Variants in DIP2B observed in about 807,000 individuals in gnomAD.
The protein encoded by DIP2B is DIP2 acetate--CoA ligase B (putative), also known as disco-interacting protein 2 homolog B.
DIP2B carries 76 observed loss-of-function variants against 198.0 expected under a neutral mutation model. The ratio of observed to expected loss-of-function variants is 0.38; its 90% CI spans 0.32 to 0.46. DIP2B has a LOEUF of 0.46. Ranked by LOEUF, DIP2B falls within the 20% of genes least tolerant of loss-of-function variation. The pLI is 0.99. For synonymous variants in DIP2B, 701 were observed against 739.1 expected (o/e 0.95, Z 0.84); for missense variants, 1,559 against 1,978.4 (o/e 0.79, Z 4.02).
chr12:50,663,149 G>A (rs542798896), intron 4 of DIP2B, among the ~76,000 whole-genome samples: 5 of 152,172 alleles, frequency 3.3e-5, no homozygotes, highest in African/African-American at 4.8e-5. Flanking sequence ...TTGTGGTGCC[G>A]GGCGCAGTGG....
At chr12:50,566,190 A>T (rs913099131) in intron 1 of DIP2B, among the ~76,000 whole-genome samples, 1 of 152,030 alleles carries the variant, frequency 6.6e-6, no homozygotes, top group Non-Finnish European at 1.5e-5. Context: ...CTACAGGTGC[A>T]TGCCACCATG....
At chr12:50,720,811 C>G (rs1241367806) in intron 25 of DIP2B, among the ~76,000 whole-genome samples, 2 of 152,086 alleles carry the variant, frequency 1.3e-5, no homozygotes, top group Non-Finnish European at 2.9e-5. Flanking sequence ...GAAAAAGCGT[C>G]CCATACATGT....
intron 1 of DIP2B, among the ~76,000 whole-genome samples, chr12:50,555,027 C>G (rs921525017): frequency 6.6e-6 from 1 of 152,192 alleles, no homozygotes; most frequent in Admixed American, 6.5e-5. Context: ...CTCAACTTCC[C>G]AAAGTGCTGG....
intron 1 of DIP2B, among the ~76,000 whole-genome samples, chr12:50,613,411 A>T (rs1959047908): frequency 6.6e-6 from 1 of 152,234 alleles, no homozygotes; most frequent in Non-Finnish European, 1.5e-5. Context: ...TTTAGAGGTC[A>T]TTAAGCCAGA....
At chr12:50,577,224 AC>A (rs1485087825) in intron 1 of DIP2B, among the ~76,000 whole-genome samples, 1 of 152,024 alleles carries the variant, frequency 6.6e-6, no homozygotes, top group East Asian at 1.9e-4. Context: ...ATCCCTGTTG[AC>A]CCCATATTAG....
Position 50,604,313 on chromosome 12 carries a change from T to C in DIP2B, c.101-21663T>C, listed in dbSNP as rs1035649674. ...CATGCAAGCATATATCCAACCTCAT[T>C]TCATTTTCTTGTGAGCTAACGTTGT... On this transcript the variant is annotated intron_variant, in intron 1 of 37. Coordinates refer to ENST00000301180, the MANE Select transcript of DIP2B (RefSeq NM_173602.3). Among the ~76,000 whole-genome samples the C allele has an allele frequency of 4.4e-4, 67 of 152,138 alleles. 1 individual carries two copies. Among genetic ancestry groups the C allele is most frequent in the Non-Finnish European group, 1.3e-4 (9 of 68,022 alleles).
chr12:50,579,844 T>C (rs1472759514), intron 1 of DIP2B, among the ~76,000 whole-genome samples: 1 of 151,270 alleles, frequency 6.6e-6, no homozygotes, highest in Non-Finnish European at 1.5e-5. Context: ...TCACTTCCCT[T>C]ATTTCTTCTC....
In DIP2B at chr12:50,695,325, C is replaced by T. The variant is rs769502276; in HGVS notation, c.1778C>T (p.Pro593Leu). ...CCCTACTCTGTTATGAAAACCTGTC[C>T]TCTCTCTTGGGTCCAAAGAGTACAT... ...SVPYSVMKTC[P>L]LSWVQRVHAH... is the part of the protein sequence containing the mutation. The change falls in exon 15 of 38, where the codon CCT becomes CTT. Residue 593 changes from proline to leucine, a missense_variant. Physicochemically the swap from Pro to Leu is moderately conservative, Grantham distance 98. Coordinates refer to ENST00000301180, the MANE Select transcript of DIP2B (RefSeq NM_173602.3). 6.2e-7 allele frequency: 1 copy of T among 1,614,036 alleles called. No individual in the cohort carries two copies. Among genetic ancestry groups the T allele is most frequent in the Non-Finnish European group, 8.5e-7 (1 of 1,179,962 alleles).
chr12:50,683,002 T>A, intron 9 of DIP2B, 136 bp from the exon 10 acceptor site: 2 of 709,556 alleles, frequency 2.8e-6, no homozygotes, highest in East Asian at 5.8e-5. Context: ...GTAACTTAAT[T>A]TCCTTTAGAG....
intron 23 of DIP2B, among the ~76,000 whole-genome samples, 182 bp from the exon 24 acceptor site, chr12:50,718,527 T>C (rs1939775969): frequency 6.6e-6 from 1 of 152,242 alleles, no homozygotes; most frequent in Non-Finnish European, 1.5e-5. Flanking sequence ...TATTTCTTGG[T>C]TACCCTTCTT....
At chr12:50,549,950 G>C (rs1009017985) in intron 1 of DIP2B, among the ~76,000 whole-genome samples, 3 of 152,014 alleles carry the variant, frequency 2.0e-5, no homozygotes, top group Admixed American at 1.3e-4. Flanking sequence ...AAGGTACCTA[G>C]TTGTATGAAA....
At chr12:50,689,928 C>T (rs17124888) in intron 12 of DIP2B, among the ~76,000 whole-genome samples, 9,233 of 151,898 alleles carry the variant, frequency 0.061, 547 homozygotes, top group East Asian at 0.24. Context: ...CAGAAAGGTT[C>T]GATAAGGTAT....
At chr12:50,738,762 G>A (rs1940182892) in intron 35 of DIP2B, among the ~76,000 whole-genome samples, 1 of 152,120 alleles carries the variant, frequency 6.6e-6, no homozygotes, top group South Asian at 2.1e-4. Context: ...TTACAAGCGT[G>A]AGCCACCACG....
chr12:50,505,356 G>C, intron 1 of DIP2B, 116 bp downstream of exon 1: 1 of 798,572 alleles, frequency 1.3e-6, no homozygotes, highest in Non-Finnish European at 1.9e-6. Flanking sequence ...AGGGTGTAGA[G>C]AACCTGGCCT....
chr12:50,642,798 C>A (rs570812508), intron 3 of DIP2B, among the ~76,000 whole-genome samples: 1 of 152,116 alleles, frequency 6.6e-6, no homozygotes, highest in African/African-American at 2.4e-5. Context: ...CAAAAAAAAA[C>A]AACAACACAT....
At chr12:50,732,238 C>T in intron 31 of DIP2B, 128 bp from the exon 32 acceptor site, 1 of 982,902 alleles carries the variant, frequency 1.0e-6, no homozygotes, top group Non-Finnish European at 1.5e-6. Context: ...GCTTTTTTCT[C>T]TGTGTGCCTG....
Position 50,708,548 on chromosome 12 carries a change from A to G in DIP2B, c.2635A>G (p.Ser879Gly). 1 of 1,595,432 alleles carries G rather than the reference A, an allele frequency of 6.3e-7. No individual in the cohort carries two copies. Among genetic ancestry groups the G allele is most frequent in the Non-Finnish European group, 8.5e-7 (1 of 1,169,810 alleles). The change falls in exon 22 of 38, where the codon AGC becomes GGC. Residue 879 changes from serine to glycine, a missense_variant. By Grantham distance (56) the Ser-to-Gly change is moderately conservative. Transcript: ENST00000301180. ...ASEEDSFQWMSRVLQAIDSIH... is the reference protein window; with the variant it reads ...ASEEDSFQWMGRVLQAIDSIH... ...TGAGGAAGATAGTTTCCAGTGGATG[A>G]GCCGCGTGCTGCAGGTGAGCACACT...
At position 50,686,629 on chromosome 12, in the gene DIP2B, A is replaced by G. The variant is rs929598339; in HGVS notation, c.1498A>G (p.Lys500Glu). The part of the protein sequence containing the change: ...TDSKYLSKPP[K>E]DWQPHISPAG... ...TTCCAAGTACCTTTCAAAGCCACCG[A>G]AAGACTGGCAGCCACACATCTCACC... is the stretch of plus-strand genomic sequence containing the variant. Residue 500 changes from lysine to glutamate, a missense_variant, in exon 12 of 38, where the codon AAA (lysine) becomes GAA (glutamate). By Grantham distance (56) the Lys-to-Glu change is moderately conservative. Transcript: ENST00000301180. The G allele has an allele frequency of 2.5e-6, 4 of 1,614,116 alleles. No homozygotes were observed. Among genetic ancestry groups the G allele is most frequent in the Non-Finnish European group, 3.4e-6 (4 of 1,180,016 alleles).
At chr12:50,552,068 A>ATTAC (rs1393647496) in intron 1 of DIP2B, among the ~76,000 whole-genome samples, 3 of 152,214 alleles carry the variant, frequency 2.0e-5, no homozygotes, top group East Asian at 3.9e-4. Flanking sequence ...AACACTTGTT[A>ATTAC]TTACTTGTTG....
Sources: allele counts gnomAD v4.1 joint callset (sites outside exome capture counted in the v4.1 genomes callset), GRCh38; gene constraint gnomAD v4.1.1; transcripts MANE v1.5; gene names NCBI Gene and HGNC (gene_info 2026-07-23, HGNC 2026-07-21).